The following SYT10 variants were observed in gnomAD, a reference collection of about 807,000 sequenced individuals.
SYT10 encodes synaptotagmin-10.
In SYT10, 31 loss-of-function variants were observed where a neutral mutation model predicts 51.1. The ratio of observed to expected loss-of-function variants is 0.61; its 90% CI spans 0.46 to 0.82. SYT10 has a LOEUF of 0.82. Among genes scored for constraint, SYT10 ranks in the 40% least tolerant of loss-of-function variants. The pLI, the probability that SYT10 is intolerant of heterozygous loss-of-function variation, is 0.00. For synonymous variants in SYT10, 233 were observed against 225.9 expected, an observed-to-expected ratio of 1.03 and a Z score of -0.28; for missense variants, 603 against 634.0, an observed-to-expected ratio of 0.95 and a Z score of 0.53.
At chr12:33,421,526 C>T (rs1866505002) in intron 2 of SYT10, among the ~76,000 whole-genome samples, 1 of 152,056 alleles carries the variant, frequency 6.6e-6, no homozygotes, top group African/African-American at 2.4e-5. Context: ...ACAGTGTTAT[C>T]TCACCACTCA....
chr12:33,423,937 G>C, intron 2 of SYT10: 2 of 455,824 alleles, frequency 4.4e-6, no homozygotes, highest in Non-Finnish European at 8.8e-6. Context: ...AGGATTATCA[G>C]GAAGGGTGCC....
chr12:33,413,947 T>C (rs984797125), intron 2 of SYT10, among the ~76,000 whole-genome samples: 5 of 152,034 alleles, frequency 3.3e-5, no homozygotes, highest in Admixed American at 6.6e-5. Flanking sequence ...CCATCTCACA[T>C]GCAGAGACAC....
chr12:33,431,061 A>G (rs1311973419), intron 1 of SYT10, among the ~76,000 whole-genome samples: 1 of 152,132 alleles, frequency 6.6e-6, no homozygotes, highest in Non-Finnish European at 1.5e-5. Context: ...TTTGTTTTAC[A>G]TTTTTGCTCT....
At chr12:33,410,913 A>G (rs1326555353) in intron 2 of SYT10, among the ~76,000 whole-genome samples, 4 of 152,248 alleles carry the variant, frequency 2.6e-5, no homozygotes, top group East Asian at 1.9e-4. Flanking sequence ...AGATGTTGCC[A>G]GTAAAAGCTA....
chr12:33,417,557 A>G (rs1866465031), intron 2 of SYT10, among the ~76,000 whole-genome samples: 1 of 152,258 alleles, frequency 6.6e-6, no homozygotes, highest in Non-Finnish European at 1.5e-5. Context: ...CAGAAAATGT[A>G]TCAACACAAT....
At chr12:33,378,279 C>T (rs1866082982) in intron 6 of SYT10, among the ~76,000 whole-genome samples, 2 of 152,176 alleles carry the variant, frequency 1.3e-5, no homozygotes, top group Admixed American at 1.3e-4. Flanking sequence ...CATTCTCAAA[C>T]ACAAACATGT....
chr12:33,423,917 A>AG, intron 2 of SYT10: 1 of 455,510 alleles, frequency 2.2e-6, no homozygotes, highest in Middle Eastern at 3.3e-4. Flanking sequence ...TACTTCATGC[A>AG]GGTTGGTGAA....
rs562581524 is a variant in SYT10, at chr12:33,392,342, G to C, written c.1078-7051C>G. Among the ~76,000 whole-genome samples, 119 of 152,284 alleles carry C rather than the reference G, an allele frequency of 7.8e-4. 7 individuals are homozygous for C. The South Asian group carries it at 0.024, about 31-fold the overall frequency. ...GGAGGGAGGAAGAAGCAATTTGATG[G>C]AGTACAATCAGGAAATGTAATTAAC... is the stretch of plus-strand genomic sequence containing the variant. On this transcript the variant is annotated intron_variant, in intron 3 of 6. Coordinates refer to ENST00000228567, the MANE Select transcript of SYT10 (RefSeq NM_198992.4).
intron 2 of SYT10, among the ~76,000 whole-genome samples, chr12:33,411,511 A>G (rs1158645306): frequency 1.3e-5 from 2 of 152,200 alleles, no homozygotes; most frequent in Admixed American, 1.3e-4. Context: ...GAAAATAACA[A>G]CAAAGTAAAA....
Position 33,426,304 on chromosome 12 carries a change from CT to C in SYT10, c.342del (p.Glu115LysfsTer10). ...PTEVFETEEK[K>X]EIKENEKPAV... ...GCTGGCTTTTCATTTTCCTTAATTT[CT>C]TTTTTCTCTTCAGTCTCAAAAACTT... On this transcript the variant is annotated frameshift_variant, in exon 2 of 7. Coordinates refer to ENST00000228567, the MANE Select transcript of SYT10 (RefSeq NM_198992.4). LOFTEE classifies it high-confidence loss of function. 1 of 1,613,758 alleles carries C rather than the reference CT, an allele frequency of 6.2e-7. No individual in the cohort carries two copies. The highest frequency in any genetic ancestry group is 8.5e-7 in the Non-Finnish European group (1 of 1,179,984).
chr12:33,424,143 G>T, intron 2 of SYT10: 7 of 338,148 alleles, frequency 2.1e-5, no homozygotes, highest in East Asian at 8.1e-5. Context: ...ATGATTTTAA[G>T]GTTGAAATTT....
At chr12:33,431,371 T>C (rs1222987604) in intron 1 of SYT10, among the ~76,000 whole-genome samples, 1 of 152,144 alleles carries the variant, frequency 6.6e-6, no homozygotes, top group Non-Finnish European at 1.5e-5. Context: ...AAGCGGGAGA[T>C]GAATACTGGG....
chr12:33,415,001 T>A (rs1866440840), intron 2 of SYT10, among the ~76,000 whole-genome samples: 1 of 152,202 alleles, frequency 6.6e-6, no homozygotes, highest in Non-Finnish European at 1.5e-5. Context: ...GACATGTGGT[T>A]AGAGTCCTGG....
intron 1 of SYT10, 72 bp from the exon 2 acceptor site, chr12:33,426,567 T>C (rs1866555239): frequency 2.4e-6 from 3 of 1,232,020 alleles, no homozygotes; most frequent in Non-Finnish European, 3.3e-6. Context: ...AAGAATATTT[T>C]ACATCATAAT....
chr12:33,399,476 T>A (rs1216611453), intron 3 of SYT10, among the ~76,000 whole-genome samples: 1 of 152,240 alleles, frequency 6.6e-6, no homozygotes, highest in Non-Finnish European at 1.5e-5. Flanking sequence ...TTGTGGGCTA[T>A]TTTATAGCCG....
chr12:33,400,837 C>T (rs145735204), intron 3 of SYT10, among the ~76,000 whole-genome samples: 2,338 of 152,100 alleles, frequency 0.015, 28 homozygotes, highest in Non-Finnish European at 0.023. Flanking sequence ...ACCAGCCTGG[C>T]CAACACGGTG....
At chr12:33,411,376 G>A (rs1305747817) in intron 2 of SYT10, among the ~76,000 whole-genome samples, 1 of 151,928 alleles carries the variant, frequency 6.6e-6, no homozygotes, top group Non-Finnish European at 1.5e-5. Context: ...TATTTGACTT[G>A]TTACCAAAAA....
intron 3 of SYT10, among the ~76,000 whole-genome samples, chr12:33,385,775 A>T (rs895587352): frequency 3.3e-5 from 5 of 152,182 alleles, no homozygotes; most frequent in African/African-American, 1.2e-4. Context: ...CACCATCACC[A>T]CTTGCCAGGA....
At chr12:33,399,714 A>G (rs573992948) in intron 3 of SYT10, among the ~76,000 whole-genome samples, 71 of 152,340 alleles carry the variant, frequency 4.7e-4, no homozygotes, top group African/African-American at 1.4e-3. Context: ...CTGAACTCTC[A>G]TGGTCTTATG....
Sources: allele counts gnomAD v4.1 joint callset (sites outside exome capture counted in the v4.1 genomes callset), GRCh38; gene constraint gnomAD v4.1.1; transcripts MANE v1.5; gene names NCBI Gene and HGNC (gene_info 2026-07-23, HGNC 2026-07-21).